Variants in AKT2 observed in about 807,000 individuals in gnomAD.
AKT2 encodes AKT serine/threonine kinase 2, also known as RAC-beta serine/threonine-protein kinase.
In AKT2, 16 loss-of-function variants were observed where a neutral mutation model predicts 58.6. The observed-to-expected ratio is 0.27, with a 90% CI of 0.18 to 0.41. The LOEUF (loss-of-function observed/expected upper bound fraction) is 0.41. Among genes scored for constraint, AKT2 ranks in the 10% least tolerant of loss-of-function variants. AKT2 has a pLI of 1.00. For synonymous variants in AKT2, 253 were observed against 254.0 expected (o/e 1.00, Z 0.04); for missense variants, 438 against 661.0 (o/e 0.66, Z 3.70).
Position 40,271,184 on chromosome 19 carries a change from A to G in AKT2, c.-84-5833T>C, listed in dbSNP as rs543761959. Among the ~76,000 whole-genome samples the G allele has an allele frequency of 7.6e-4, 114 of 149,520 alleles. 1 individual carries two copies. In the East Asian group the frequency reaches 0.015, roughly 19 times the overall value. On this transcript the variant is annotated intron_variant, in intron 1 of 13. Coordinates refer to ENST00000392038, the MANE Select transcript of AKT2 (RefSeq NM_001626.6). ...GTGAAACCCTGTGTCTGCCAAAAAA[A>G]AAAAAAACATACGTACATACATACA...
chr19:40,273,798 C>CTCCA (rs1160321385), intron 1 of AKT2, among the ~76,000 whole-genome samples: 3 of 152,138 alleles, frequency 2.0e-5, no homozygotes, highest in Non-Finnish European at 4.4e-5. Context: ...ACTCTGAGGG[C>CTCCA]TCCATGCTGC....
chr19:40,236,619 G>A (rs1974047745), intron 9 of AKT2: 5 of 587,834 alleles, frequency 8.5e-6, no homozygotes, highest in Non-Finnish European at 1.5e-5. Context: ...GGAGAGCCGA[G>A]AGCCAGGCCC....
intron 6 of AKT2, 120 bp from the exon 7 acceptor site, chr19:40,240,230 AT>A (rs768408796): frequency 9.2e-7 from 1 of 1,086,972 alleles, no homozygotes. Context: ...AATGCAGAAA[AT>A]CACAGGAGTG....
Position 40,251,530 on chromosome 19 carries a change from G to A in AKT2, c.287+3628C>T, listed in dbSNP as rs147466681. 4.6e-5 allele frequency among the ~76,000 whole-genome samples: 7 copies of A among 151,758 alleles called. No homozygotes were observed. In the East Asian group the frequency reaches 1.4e-3, roughly 29 times the overall value. On this transcript the variant is annotated intron_variant, in intron 4 of 13. Transcript: ENST00000392038. ...ACCCAGAAGGTGTGACATTCTACAA[G>A]ACAACTAGCCTGGCTTGTCAAAAAA... is the stretch of plus-strand genomic sequence containing the variant.
chr19:40,260,078 G>C (rs1975826757), intron 2 of AKT2, among the ~76,000 whole-genome samples: 1 of 152,118 alleles, frequency 6.6e-6, no homozygotes. Flanking sequence ...TGTGAACCCA[G>C]GAGGTGGAGG....
chr19:40,245,223 TCTGAGA>T (rs771963040), intron 4 of AKT2, among the ~76,000 whole-genome samples: 12 of 152,214 alleles, frequency 7.9e-5, no homozygotes, highest in Middle Eastern at 6.8e-3. Context: ...CTTGGGATGA[TCTGAGA>T]CTTCTTAAGA....
intron 1 of AKT2, among the ~76,000 whole-genome samples, chr19:40,267,563 C>T (rs889347267): frequency 3.9e-5 from 6 of 152,160 alleles, no homozygotes; most frequent in African/African-American, 1.4e-4. Context: ...TGTGCACCCT[C>T]GGAGCAACCC....
intron 4 of AKT2, among the ~76,000 whole-genome samples, chr19:40,249,297 T>C (rs1974973807): frequency 6.6e-6 from 1 of 152,184 alleles, no homozygotes; most frequent in South Asian, 2.1e-4. Flanking sequence ...GAGATGCTGG[T>C]GGCAGAGGAG....
At chr19:40,275,193 C>G (rs1353647495) in intron 1 of AKT2, 2 of 456,780 alleles carry the variant, frequency 4.4e-6, no homozygotes, top group African/African-American at 4.0e-5. Flanking sequence ...GCCTTTGCTC[C>G]CAAGAGACAG....
intron 1 of AKT2, chr19:40,268,611 G>A (rs1394244629): frequency 1.3e-5 from 2 of 152,552 alleles, no homozygotes; most frequent in Non-Finnish European, 2.9e-5. Context: ...AGAAGCAGCG[G>A]AGGCCCTGGC....
In AKT2 at chr19:40,231,452, C is replaced by A. The variant is rs1973697535; in HGVS notation, c.*2420G>T. ...CTTTAGAAAGACAAACTAAAAAACC[C>A]CAACCAAACGAGTCCTAGCTGTAGC... On this transcript the variant is annotated 3_prime_UTR_variant, in exon 14 of 14. Transcript: ENST00000392038. 4.3e-6 allele frequency: 1 copy of A among 233,154 alleles called. No homozygotes were observed. Among genetic ancestry groups the A allele is most frequent in the Non-Finnish European group, 8.5e-6 (1 of 118,058 alleles). The allele number at this position is 233,154 out of a possible 1,614,324, so 14.4% of individuals were successfully genotyped here.
intron 4 of AKT2, among the ~76,000 whole-genome samples, chr19:40,251,622 T>G (rs1348923103): frequency 6.6e-6 from 1 of 152,084 alleles, no homozygotes; most frequent in Non-Finnish European, 1.5e-5. Context: ...TGAACTAGAT[T>G]AAATAAAACA....
intron 1 of AKT2, among the ~76,000 whole-genome samples, chr19:40,277,199 A>G (rs1243573892): frequency 6.6e-6 from 1 of 152,216 alleles, no homozygotes; most frequent in East Asian, 1.9e-4. Context: ...AGAGCCATGC[A>G]GTGGCAGCTA....
At chr19:40,274,180 T>A (rs1450265595) in intron 1 of AKT2, 1 of 152,406 alleles carries the variant, frequency 6.6e-6, no homozygotes, top group Non-Finnish European at 1.5e-5. Context: ...TGCATGACTA[T>A]GTGGGTAATG....
chr19:40,261,545 A>C (rs1366636961), intron 2 of AKT2, among the ~76,000 whole-genome samples: 3 of 151,650 alleles, frequency 2.0e-5, no homozygotes, highest in African/African-American at 7.3e-5. Flanking sequence ...AAAAAAAAAA[A>C]AACAAGACAA....
intron 2 of AKT2, among the ~76,000 whole-genome samples, chr19:40,261,532 C>CAAAA (rs34120640): frequency 7.4e-6 from 1 of 134,794 alleles, no homozygotes; most frequent in Non-Finnish European, 1.6e-5. Flanking sequence ...GACTCCATCT[C>CAAAA]AAAAAAAAAA....
chr19:40,238,707 G>A lies in AKT2; in HGVS notation c.708+198C>T, dbSNP rs1237532239. On this transcript the variant is annotated intron_variant, in intron 8 of 13. Transcript: ENST00000392038. The surrounding 1 kb of genome is among the most constrained non-coding windows in gnomAD (Gnocchi z 5.1). ...CCACTCACTAGCTGTGTAAACTTGGGCAAGCCACTTAACCTCTCTGAGCCT... is the reference window on the plus strand; with the variant it reads ...CCACTCACTAGCTGTGTAAACTTGGACAAGCCACTTAACCTCTCTGAGCCT... Among the ~76,000 whole-genome samples the A allele has an allele frequency of 1.3e-5, 2 of 152,134 alleles. No individual in the cohort carries two copies. Among genetic ancestry groups the A allele is most frequent in the Non-Finnish European group, 2.9e-5 (2 of 68,040 alleles).
rs762111834 is a variant in AKT2 at position 40,235,109 on chromosome 19, G to C, written c.1302C>G (p.Val434=). 2 of 1,614,044 alleles carry C rather than the reference G, an allele frequency of 1.2e-6. No individual in the cohort carries two copies. The highest frequency in any genetic ancestry group is 2.2e-5 in the South Asian group (2 of 91,076). ...PPFKPQVTSE[V]DTRYFDDEFT... is the part of the protein sequence containing the mutation. ...ATTCATCATCGAAGTACCTTGTGTC[G>C]ACCTCGGACGTGACCTGAGGTTTGA... Residue 434 remains valine (V), a synonymous_variant, in exon 13 of 14, where the codon GTC becomes GTG. Transcript: ENST00000392038. This position sits in a 1 kb window ranked among gnomAD's most constrained non-coding sequence, Gnocchi z 6.3.
chr19:40,281,718 C>T (rs978654600), intron 1 of AKT2, among the ~76,000 whole-genome samples: 2 of 152,242 alleles, frequency 1.3e-5, no homozygotes, highest in African/African-American at 4.8e-5. Context: ...CTCTCTGACA[C>T]GGTTCTGTGA....
Sources: gnomAD v4.1 joint callset for allele counts (sites outside exome capture counted in the v4.1 genomes callset) on GRCh38, gnomAD v4.1.1 for gene constraint, Gnocchi (gnomAD v3.1) non-coding constraint, MANE v1.5 for transcripts, NCBI Gene and HGNC (gene_info 2026-07-23, HGNC 2026-07-21) for gene names.